The following SYNPO variants were observed in gnomAD, a reference collection of about 807,000 sequenced individuals.
SYNPO encodes the protein synaptopodin.
In SYNPO, 19 loss-of-function variants were observed where a neutral mutation model predicts 49.5. The ratio of observed to expected loss-of-function variants is 0.38; its 90% CI spans 0.27 to 0.56. The LOEUF (loss-of-function observed/expected upper bound fraction) is 0.56, where lower values mean the gene tolerates loss of function less well. Among genes scored for constraint, SYNPO ranks in the 20% least tolerant of loss-of-function variants. SYNPO has a pLI of 0.68. For missense variants in SYNPO, 1,131 were observed against 1,248.3 expected, an observed-to-expected ratio of 0.91 and a Z score of 1.42; for synonymous variants, 536 against 548.0, an observed-to-expected ratio of 0.98 and a Z score of 0.31.
At position 150,656,643 on chromosome 5, in the gene SYNPO, T is replaced by C. The variant is rs1465373427; in HGVS notation, c.2268T>C (p.Leu756=). 1 of 1,508,216 alleles carries C rather than the reference T, an allele frequency of 6.6e-7. No individual in the cohort carries two copies. The highest frequency in any genetic ancestry group is 1.2e-5 in the South Asian group (1 of 81,184). The allele number at this position is 1,508,216 out of a possible 1,614,324, so 93.4% of individuals were successfully genotyped here. The change falls in exon 3 of 3, where the codon CTT becomes CTC. Residue 756 remains leucine (L), a synonymous_variant. Transcript: ENST00000307662. The part of the protein sequence containing the change: ...ARPPSRQLQA[L]LARNIINAAR... ...CCCCCAGCCGCCAGCTGCAGGCGCT[T>C]CTGGCGCGAAACATCATCAATGCGG...
Position 150,657,162 on chromosome 5 carries a change from C to G in SYNPO, c.*75C>G. ...ATTAGACCTGGGGGACCCAAAGGGT[C>G]TGGCCTCTTTGGGCAGCCCCAGAGA... On this transcript the variant is annotated 3_prime_UTR_variant, in exon 3 of 3. Coordinates refer to ENST00000307662, the MANE Select transcript of SYNPO (RefSeq NM_007286.6). 2 of 1,462,104 alleles carry G rather than the reference C, an allele frequency of 1.4e-6. No homozygotes were observed. The highest frequency in any genetic ancestry group is 1.8e-6 in the Non-Finnish European group (2 of 1,095,088). The allele number at this position is 1,462,104 out of a possible 1,614,324, so 90.6% of individuals were successfully genotyped here.
chr5:150,599,754 C>T (rs1430526709), upstream of SYNPO, among the ~76,000 whole-genome samples: 1 of 152,154 alleles, frequency 6.6e-6, no homozygotes, highest in Admixed American at 6.6e-5. Context: ...GTGCTGGGCA[C>T]AGGCTTGATT....
chr5:150,639,820 G>A (rs547043126), upstream of SYNPO, among the ~76,000 whole-genome samples: 28 of 152,344 alleles, frequency 1.8e-4, no homozygotes, highest in African/African-American at 6.3e-4. Context: ...GAGGAATACC[G>A]AAGTGAAGCA....
At chr5:150,651,003 C>A (rs1002274956) in intron 2 of SYNPO, 10 of 1,236,406 alleles carry the variant, frequency 8.1e-6, no homozygotes, top group Non-Finnish European at 8.2e-6. Flanking sequence ...TCTTCCTGCC[C>A]CCTCTGAGGC....
chr5:150,637,025 A>T (rs999501336), upstream of SYNPO, among the ~76,000 whole-genome samples: 32 of 152,210 alleles, frequency 2.1e-4, no homozygotes, highest in East Asian at 1.9e-4. Context: ...TCATTTACTC[A>T]GCAGCTACTC....
chr5:150,634,405 G>A (rs1457248059), intron 2 of SYNPO, among the ~76,000 whole-genome samples: 2 of 152,210 alleles, frequency 1.3e-5, no homozygotes, highest in Non-Finnish European at 2.9e-5. Flanking sequence ...GTGCCCTAGA[G>A]GAATGAAGGT....
At chr5:150,612,153 G>T (rs1756865399) in intron 1 of SYNPO, among the ~76,000 whole-genome samples, 1 of 152,196 alleles carries the variant, frequency 6.6e-6, no homozygotes, top group African/African-American at 2.4e-5. Context: ...TTGTCAGGGA[G>T]AACTTAGCTC....
chr5:150,657,089 GCC>G lies in SYNPO; in HGVS notation c.*5_*6del. On this transcript the variant is annotated 3_prime_UTR_variant, in exon 3 of 3. Coordinates refer to ENST00000307662, the MANE Select transcript of SYNPO (RefSeq NM_007286.6). Reference sequence around the variant, plus strand: ...GCCGAGGCCTCCTGCACCACCTAGAGCCCCACCCCCGACCCCACCCCGGGAGG... The same window carrying G: ...GCCGAGGCCTCCTGCACCACCTAGAGCCACCCCCGACCCCACCCCGGGAGG... 1 of 1,574,734 alleles carries G rather than the reference GCC, an allele frequency of 6.4e-7. No homozygotes were observed.
At chr5:150,588,426 A>T in the SYNPO span, among the ~76,000 whole-genome samples, 1 of 152,146 alleles carries the variant, frequency 6.6e-6, no homozygotes, top group African/African-American at 2.4e-5. Context: ...GCCAGGGGGA[A>T]CTTCCCCTCC....
chr5:150,620,840 T>C (rs1002280485), intron 2 of SYNPO, among the ~76,000 whole-genome samples: 3 of 152,246 alleles, frequency 2.0e-5, no homozygotes, highest in African/African-American at 7.2e-5. Flanking sequence ...GAGACTATGA[T>C]TGTGTTCTTG....
chr5:150,640,184 G>C (rs1234691909), upstream of SYNPO: 2 of 985,092 alleles, frequency 2.0e-6, no homozygotes, highest in African/African-American at 3.5e-5. Context: ...AATACACAAG[G>C]TGGTGGTTAT....
At chr5:150,595,483 T>C in the SYNPO span, among the ~76,000 whole-genome samples, 2 of 152,312 alleles carry the variant, frequency 1.3e-5, no homozygotes, top group Non-Finnish European at 2.9e-5. Context: ...TGGCTGACAG[T>C]TTCGGCATAG....
At position 150,657,891 on chromosome 5, in the gene SYNPO, G is replaced by C. The variant is rs1758633819; in HGVS notation, c.*804G>C. 2 of 152,340 alleles carry C rather than the reference G, an allele frequency of 1.3e-5. No homozygotes were observed. The highest frequency in any genetic ancestry group is 4.8e-5 in the African/African-American group (2 of 41,430). 9.4% of individuals were successfully genotyped at this position (152,340 alleles called of 1,614,324 possible). ...TCTGCAGCCATAAGAGAATTATAAG[G>C]CAGTGATTTCCCTTAGGCCCAGGAC... On this transcript the variant is annotated 3_prime_UTR_variant, in exon 3 of 3. Transcript: ENST00000307662.
chr5:150,618,874 A>T, intron 2 of SYNPO: 1 of 1,378,522 alleles, frequency 7.3e-7, no homozygotes, highest in Non-Finnish European at 9.9e-7. Context: ...ACAGTAATTC[A>T]TCACAGTCCC....
intron 2 of SYNPO, among the ~76,000 whole-genome samples, chr5:150,655,509 C>T (rs1261168721): frequency 1.3e-5 from 2 of 152,250 alleles, no homozygotes; most frequent in Non-Finnish European, 2.9e-5. Flanking sequence ...AAACCGAAGC[C>T]TCCCTCAGCT....
At position 150,649,386 on chromosome 5, in the gene SYNPO, A is replaced by G. The variant is rs1201238244; in HGVS notation, c.1111A>G (p.Met371Val). Residue 371 changes from methionine to valine, a missense_variant, in exon 2 of 3, where the codon ATG becomes GTG. By Grantham distance (21) the Met-to-Val change is conservative (BLOSUM62 1). Around this residue, in one of 4 missense-constraint regions of SYNPO, gnomAD observed 602 missense variants for 720.7 expected, o/e 0.84. Coordinates refer to ENST00000307662, the MANE Select transcript of SYNPO (RefSeq NM_007286.6). ...CAAGACGGGCATTCTGGAGGAGTCG[A>G]TGGCCCGCCGGGGCAGCCGCAAATC... ...ASKTGILEES[M>V]ARRGSRKSMF... 6.2e-7 allele frequency: 1 copy of G among 1,614,064 alleles called. No individual in the cohort carries two copies. Among genetic ancestry groups the G allele is most frequent in the Non-Finnish European group, 8.5e-7 (1 of 1,180,006 alleles).
At chr5:150,613,105 C>A (rs1193207295) in intron 1 of SYNPO, among the ~76,000 whole-genome samples, 1 of 152,140 alleles carries the variant, frequency 6.6e-6, no homozygotes, top group Non-Finnish European at 1.5e-5. Flanking sequence ...TGGACCTGTG[C>A]CAGCTGCTGA....
chr5:150,640,458 G>A (rs1349477502), upstream of SYNPO, among the ~76,000 whole-genome samples: 2 of 152,210 alleles, frequency 1.3e-5, no homozygotes, highest in African/African-American at 2.4e-5. Context: ...CCCGATAGCA[G>A]GGGTTTGAAT....
At chr5:150,622,108 A>G (rs370797036) in intron 2 of SYNPO, among the ~76,000 whole-genome samples, 12 of 152,262 alleles carry the variant, frequency 7.9e-5, no homozygotes, top group East Asian at 3.8e-4. Flanking sequence ...CTCCCAGTTC[A>G]GCTGCCCAGC....
Sources: allele counts gnomAD v4.1 joint callset (sites outside exome capture counted in the v4.1 genomes callset), GRCh38; gene constraint gnomAD v4.1.1; regional missense constraint gnomAD v4.1.1; transcripts MANE v1.5; gene names NCBI Gene and HGNC (gene_info 2026-07-23, HGNC 2026-07-21).